The following SGCZ variants were observed in gnomAD, a reference collection of about 807,000 sequenced individuals.
SGCZ encodes the protein zeta-sarcoglycan.
Under a neutral mutation model 41.3 loss-of-function variants are expected in SGCZ, and 40 were observed. The ratio of observed to expected loss-of-function variants is 0.97; its 90% CI spans 0.75 to 1.26. The LOEUF is 1.26. SGCZ is among the 50% of genes most tolerant of loss of function. SGCZ has a pLI of 0.00. For missense variants in SGCZ, 552 were observed against 369.8 expected (o/e 1.49, Z -4.04); for synonymous variants, 206 against 137.5 (o/e 1.50, Z -3.49).
rs746522556 is a variant in SGCZ at position 15,237,574 on chromosome 8, C to T, written c.39+11G>A. On this transcript the variant is annotated intron_variant, in intron 1 of 7. Coordinates refer to ENST00000382080, the MANE Select transcript of SGCZ (RefSeq NM_139167.4). ...GAAGCGGCCGCGAAGCCCGCCCGGACCCGCACGTACCTTGAGCTCCTCAAT... is the reference window on the plus strand; with the variant it reads ...GAAGCGGCCGCGAAGCCCGCCCGGATCCGCACGTACCTTGAGCTCCTCAAT... The T allele has an allele frequency of 1.3e-5, 20 of 1,587,514 alleles. No homozygotes were observed. The highest frequency in any genetic ancestry group is 1.6e-5 in the Non-Finnish European group (19 of 1,165,046).
At chr8:14,490,900 C>G (rs966272951) in intron 2 of SGCZ, among the ~76,000 whole-genome samples, 5 of 152,102 alleles carry the variant, frequency 3.3e-5, no homozygotes, top group Admixed American at 6.5e-5. Context: ...GTTTCAGGAG[C>G]TAAAATCTTA....
chr8:15,096,019 G>A (rs193086690), intron 1 of SGCZ, among the ~76,000 whole-genome samples: 1 of 152,144 alleles, frequency 6.6e-6, no homozygotes, highest in East Asian at 1.9e-4. Flanking sequence ...CCCAAGATAC[G>A]CCATCAAACT....
chr8:14,554,842 A>G lies in SGCZ; in HGVS notation c.124T>C (p.Tyr42His), dbSNP rs895171553. 2 of 1,613,386 alleles carry G rather than the reference A, an allele frequency of 1.2e-6. No individual in the cohort carries two copies. The highest frequency in any genetic ancestry group is 1.7e-5 in the Admixed American group (1 of 59,910). Residue 42 changes from tyrosine to histidine, a missense_variant, in exon 2 of 8, where the codon TAT (tyrosine) becomes CAT (histidine). Coordinates refer to ENST00000382080, the MANE Select transcript of SGCZ (RefSeq NM_139167.4). ...TATAAGCACCTCTTTCGCCATCCAT[A>G]AATTCCCACTGGGTAAAGTTGTGCA... ...ENAQLYPVGI[Y>H]GWRKRCLYFF...
rs573861132 is a variant in SGCZ at position 14,561,826 on chromosome 8, T to C, written c.40-6900A>G. Among the ~76,000 whole-genome samples the C allele has an allele frequency of 2.0e-5, 3 of 152,312 alleles. No individual in the cohort carries two copies. In the South Asian group the frequency reaches 6.2e-4, roughly 32 times the overall value. ...CAACGCAGTATTTTATCTAATAATG[T>C]AAATAACATTTCTGGCAAGATGTTA... On this transcript the variant is annotated intron_variant, in intron 1 of 7. Coordinates refer to ENST00000382080, the MANE Select transcript of SGCZ (RefSeq NM_139167.4).
rs550403619 is a variant in SGCZ, at chr8:14,858,589, C to T, written c.40-303663G>A. ...TTTGATATTACAATGAAAGCCAGCA[C>T]AATTTTTTAAGATTAGTTGCAATGT... is the stretch of plus-strand genomic sequence containing the variant. On this transcript the variant is annotated intron_variant, in intron 1 of 7. Transcript: ENST00000382080. 1.1e-4 allele frequency among the ~76,000 whole-genome samples: 16 copies of T among 152,226 alleles called. No individual in the cohort carries two copies. In the South Asian group the frequency reaches 3.3e-3, roughly 32 times the overall value.
intron 5 of SGCZ, among the ~76,000 whole-genome samples, chr8:14,112,292 G>T (rs1324554318): frequency 3.4e-5 from 5 of 145,630 alleles, no homozygotes; most frequent in Middle Eastern, 3.3e-3. Context: ...GTGGGGGGGG[G>T]GTGCAAAGAA....
rs185311410 is a variant in SGCZ, at chr8:14,921,247, G to T, written c.39+316338C>A. ...CCTACTTTCAAATCTCCACATCAAT[G>T]CCTCTCCTTCAGACCTAAAATGATC... On this transcript the variant is annotated intron_variant, in intron 1 of 7. Transcript: ENST00000382080. 4.3e-3 allele frequency among the ~76,000 whole-genome samples: 648 copies of T among 152,156 alleles called. 5 individuals carry two copies. Among genetic ancestry groups the T allele is most frequent in the South Asian group, 0.017 (82 of 4,820 alleles).
rs116600044 is a variant in SGCZ at position 14,861,714 on chromosome 8, C to T, written c.40-306788G>A. Among the ~76,000 whole-genome samples, 468 of 152,042 alleles carry T rather than the reference C, an allele frequency of 3.1e-3. 4 individuals carry two copies. The highest frequency in any genetic ancestry group is 0.011 in the African/African-American group (452 of 41,462). On this transcript the variant is annotated intron_variant, in intron 1 of 7. Coordinates refer to ENST00000382080, the MANE Select transcript of SGCZ (RefSeq NM_139167.4). ...GCTTGAACAAGTGGTCTTGCATTTT[C>T]ATTTTGCACTGGGACCCACAAATTA...
In SGCZ at chr8:14,624,559, T is replaced by TATTTA. The variant is rs1563161354; in HGVS notation, c.40-69634_40-69633insTAAAT. On this transcript the variant is annotated intron_variant, in intron 1 of 7. Coordinates refer to ENST00000382080, the MANE Select transcript of SGCZ (RefSeq NM_139167.4). ...CTCCCCAATTTTATTATTATTATTTTTTTTTTTTTTTTTTTTTTTTTTTTT... is the reference window on the plus strand; with the variant it reads ...CTCCCCAATTTTATTATTATTATTTTATTTATTTTTTTTTTTTTTTTTTTTTTTTT... Among the ~76,000 whole-genome samples the TATTTA allele has an allele frequency of 2.0e-3, 189 of 94,364 alleles. 3 individuals are homozygous for TATTTA. The highest frequency in any genetic ancestry group is 7.2e-3 in the African/African-American group (172 of 24,054). The allele number at this position is 94,364 out of a possible 152,430, so 61.9% of individuals were successfully genotyped here.
In SGCZ at chr8:14,352,908, T is replaced by G. The variant is rs368441114; in HGVS notation, c.235-28704A>C. Among the ~76,000 whole-genome samples, 3 of 152,246 alleles carry G rather than the reference T, an allele frequency of 2.0e-5. No homozygotes were observed. In the East Asian group the frequency reaches 5.8e-4, roughly 29 times the overall value. On this transcript the variant is annotated intron_variant, in intron 2 of 7. Transcript: ENST00000382080. ...ATAATTTTCTCCCTACCCTAATTGA[T>G]CTCTGCATACATATCATTTGACATT...
intron 2 of SGCZ, among the ~76,000 whole-genome samples, chr8:14,518,686 T>C (rs1802698375): frequency 6.6e-6 from 1 of 151,886 alleles, no homozygotes; most frequent in South Asian, 2.1e-4. Flanking sequence ...AAATAGAACG[T>C]TATTAAGTAC....
At chr8:15,187,638 T>G (rs1166880420) in intron 1 of SGCZ, among the ~76,000 whole-genome samples, 1 of 151,988 alleles carries the variant, frequency 6.6e-6, no homozygotes, top group Non-Finnish European at 1.5e-5. Context: ...TTTAGGCACA[T>G]TTCTCCTTCT....
At chr8:14,942,179 C>G (rs896679231) in intron 1 of SGCZ, among the ~76,000 whole-genome samples, 2 of 151,990 alleles carry the variant, frequency 1.3e-5, no homozygotes, top group African/African-American at 4.8e-5. Flanking sequence ...AGTATATAAA[C>G]CTAACTCAGT....
chr8:14,311,505 T>G (rs1801542702), intron 3 of SGCZ, among the ~76,000 whole-genome samples: 2 of 152,122 alleles, frequency 1.3e-5, no homozygotes, highest in South Asian at 4.1e-4. Context: ...CACAGCTAGA[T>G]CTCTTCAAAT....
chr8:14,776,315 C>G (rs118184274), intron 1 of SGCZ, among the ~76,000 whole-genome samples: 1 of 151,884 alleles, frequency 6.6e-6, no homozygotes, highest in African/African-American at 2.4e-5. Flanking sequence ...AATGAGTAAG[C>G]CTCATGAGAT....
intron 1 of SGCZ, among the ~76,000 whole-genome samples, chr8:14,989,260 A>C (rs752401280): frequency 4.6e-5 from 7 of 152,184 alleles, no homozygotes; most frequent in Non-Finnish European, 1.0e-4. Flanking sequence ...AGAAAATTAC[A>C]TAGGAGGATG....
At chr8:14,186,766 A>C (rs570903540) in intron 4 of SGCZ, among the ~76,000 whole-genome samples, 1 of 152,306 alleles carries the variant, frequency 6.6e-6, no homozygotes, top group African/African-American at 2.4e-5. Context: ...AGTACTTTAT[A>C]AAATAATGTT....
At chr8:14,725,445 G>A (rs1810018252) in intron 1 of SGCZ, among the ~76,000 whole-genome samples, 1 of 152,160 alleles carries the variant, frequency 6.6e-6, no homozygotes, top group South Asian at 2.1e-4. Flanking sequence ...CCCACCAACA[G>A]TGTACAAGTG....
rs142314868 is a variant in SGCZ at position 14,489,866 on chromosome 8, C to CATTTTTTTTTTTTTTTT, written c.234+64865_234+64866insAAAAAAAAAAAAAAAAT. ...ACTGGCTCGCCGAAAAATTCTCCTA[C>CATTTTTTTTTTTTTTTT]CTTTTTTTTTTTTTTCCTGAGATGG... On this transcript the variant is annotated intron_variant, in intron 2 of 7. Coordinates refer to ENST00000382080, the MANE Select transcript of SGCZ (RefSeq NM_139167.4). Among the ~76,000 whole-genome samples, 14 of 137,532 alleles carry CATTTTTTTTTTTTTTTT rather than the reference C, an allele frequency of 1.0e-4. 4 individuals carry two copies. The highest frequency in any genetic ancestry group is 7.6e-5 in the Admixed American group (1 of 13,120). The allele number at this position is 137,532 out of a possible 152,430, so 90.2% of individuals were successfully genotyped here.
Sources: allele counts gnomAD v4.1 joint callset (sites outside exome capture counted in the v4.1 genomes callset), GRCh38; gene constraint gnomAD v4.1.1; transcripts MANE v1.5; gene names NCBI Gene and HGNC (gene_info 2026-07-23, HGNC 2026-07-21).